The following BCAP29 variants were observed in gnomAD, a reference collection of about 807,000 sequenced individuals.
The protein encoded by BCAP29 is B cell receptor associated protein 29.
In BCAP29, 34 loss-of-function variants were observed where a neutral mutation model predicts 31.8. The ratio of observed to expected loss-of-function variants is 1.07; its 90% confidence interval spans 0.81 to 1.42. BCAP29 has a LOEUF of 1.42. Ranked by LOEUF, BCAP29 falls within the 40% of genes most tolerant of loss-of-function variation. The pLI is 0.00. For missense variants in BCAP29, 314 were observed against 269.2 expected, an observed-to-expected ratio of 1.17 and a Z score of -1.16; for synonymous variants, 104 against 91.3, an observed-to-expected ratio of 1.14 and a Z score of -0.79.
intron 5 of BCAP29, among the ~76,000 whole-genome samples, chr7:107,598,745 T>G (rs1449408131): frequency 6.6e-6 from 1 of 151,754 alleles, no homozygotes; most frequent in Non-Finnish European, 1.5e-5. Context: ...CTGTGTTCCT[T>G]TTTTACCTGA....
chr7:107,622,428 T>C (rs1480699098), downstream of BCAP29: 1 of 154,026 alleles, frequency 6.5e-6, no homozygotes, highest in Non-Finnish European at 1.4e-5. Flanking sequence ...GTTCTTTCCC[T>C]AGGATATAGA....
chr7:107,603,410 A>G (rs1811521985), intron 6 of BCAP29: 1 of 150,908 alleles, frequency 6.6e-6, no homozygotes, highest in Admixed American at 6.6e-5. Flanking sequence ...GCAGGAATAC[A>G]TATAGATATA....
rs929240943 is a variant in BCAP29 at position 107,619,198 on chromosome 7, G to T, written c.*835G>T. On this transcript the variant is annotated 3_prime_UTR_variant, in exon 8 of 8. Transcript: ENST00000005259. ...AAAGCAGTATTTCTTTCCCTTGGTT[G>T]TGAGAGTAACTAATTATATAAATAT... 2.0e-5 allele frequency: 3 copies of T among 152,512 alleles called. No individual in the cohort carries two copies. Among genetic ancestry groups the T allele is most frequent in the Admixed American group, 2.0e-4 (3 of 15,284 alleles). 9.4% of individuals were successfully genotyped at this position (152,512 alleles called of 1,614,324 possible).
At chr7:107,580,127 A>C (rs1806293482), upstream of BCAP29, 1 of 152,294 alleles carries the variant, frequency 6.6e-6, no homozygotes, top group East Asian at 1.9e-4. Flanking sequence ...ACTGTTGCCA[A>C]TAAACGTGGT....
chr7:107,584,435 G>A (rs1011608010), intron 3 of BCAP29, among the ~76,000 whole-genome samples: 28 of 152,236 alleles, frequency 1.8e-4, no homozygotes, highest in Non-Finnish European at 3.5e-4. Flanking sequence ...ATGGCCGGGC[G>A]AGGTGGCTCA....
At chr7:107,609,309 G>A (rs549922622) in intron 6 of BCAP29, among the ~76,000 whole-genome samples, 1 of 152,304 alleles carries the variant, frequency 6.6e-6, no homozygotes, top group African/African-American at 2.4e-5. Flanking sequence ...TGCCCTGTTT[G>A]TACGTTAACA....
At chr7:107,597,603 G>GT (rs1408536630) in intron 5 of BCAP29, among the ~76,000 whole-genome samples, 2 of 152,162 alleles carry the variant, frequency 1.3e-5, no homozygotes, top group Non-Finnish European at 2.9e-5. Context: ...AGTCCCTTGA[G>GT]TTTGGTATTG....
chr7:107,599,624 C>T (rs1213922991), intron 5 of BCAP29, among the ~76,000 whole-genome samples: 1 of 150,940 alleles, frequency 6.6e-6, no homozygotes, highest in Non-Finnish European at 1.5e-5. Flanking sequence ...CTTTGTCTTT[C>T]TAGGTAATTT....
chr7:107,614,818 C>T (rs1211636434), intron 7 of BCAP29, among the ~76,000 whole-genome samples: 2 of 152,188 alleles, frequency 1.3e-5, no homozygotes, highest in African/African-American at 2.4e-5. Flanking sequence ...GGTAGATTGT[C>T]AGCAAGACCA....
At chr7:107,611,994 A>T (rs1478218602) in intron 6 of BCAP29, among the ~76,000 whole-genome samples, 1 of 152,198 alleles carries the variant, frequency 6.6e-6, no homozygotes, top group Non-Finnish European at 1.5e-5. Context: ...AACATTTGAC[A>T]ATACTGTCTA....
downstream of BCAP29, chr7:107,622,562 T>G (rs529745378): frequency 3.3e-5 from 5 of 152,570 alleles, no homozygotes; most frequent in East Asian, 9.6e-4. Context: ...TATTTTATTT[T>G]CATCATAGCA....
chr7:107,615,147 ATTGTTGAATGT>A (rs1813885159), intron 7 of BCAP29: 12 of 452,490 alleles, frequency 2.7e-5, no homozygotes, highest in African/African-American at 2.4e-4. Flanking sequence ...GAATGTCTCC[ATTGTTGAATGT>A]CTCCATTGTG....
intron 7 of BCAP29, chr7:107,613,792 A>T: frequency 7.8e-7 from 1 of 1,287,550 alleles, no homozygotes; most frequent in South Asian, 1.2e-5. Context: ...CAAAATTTCA[A>T]GTTCCACATC....
intron 6 of BCAP29, among the ~76,000 whole-genome samples, chr7:107,606,757 A>G (rs1326531270): frequency 1.3e-5 from 2 of 152,234 alleles, no homozygotes; most frequent in Non-Finnish European, 1.5e-5. Context: ...AGAAGAAATG[A>G]TTTAAGAAAT....
intron 3 of BCAP29, among the ~76,000 whole-genome samples, chr7:107,586,422 A>G (rs999295211): frequency 6.6e-6 from 1 of 152,220 alleles, no homozygotes; most frequent in Non-Finnish European, 1.5e-5. Flanking sequence ...TTGGGTAAAC[A>G]GGGCAATTAA....
chr7:107,595,227 A>G lies in BCAP29; in HGVS notation c.345-640A>G, dbSNP rs115767966. 4.6e-3 allele frequency among the ~76,000 whole-genome samples: 694 copies of G among 152,264 alleles called. 5 individuals are homozygous for G. Among genetic ancestry groups the G allele is most frequent in the African/African-American group, 0.016 (659 of 41,546 alleles). On this transcript the variant is annotated intron_variant, in intron 4 of 7. Transcript: ENST00000005259. ...TCTTACAGGTGCTCAAAGAATGTAT[A>G]TATACTTCATTTTCTAGTGTCATTC...
intron 6 of BCAP29, among the ~76,000 whole-genome samples, chr7:107,612,290 A>G (rs1437616754): frequency 6.6e-6 from 1 of 150,948 alleles, no homozygotes; most frequent in Non-Finnish European, 1.5e-5. Flanking sequence ...GCACTATATG[A>G]GATAAAAGTT....
intron 5 of BCAP29, among the ~76,000 whole-genome samples, chr7:107,599,591 A>G (rs909420094): frequency 1.3e-5 from 2 of 150,636 alleles, no homozygotes; most frequent in Non-Finnish European, 3.0e-5. Flanking sequence ...AACAGTATAC[A>G]TATTATGTTT....
chr7:107,588,516 A>T (rs771568920), intron 3 of BCAP29, among the ~76,000 whole-genome samples: 2 of 152,226 alleles, frequency 1.3e-5, no homozygotes, highest in Non-Finnish European at 2.9e-5. Context: ...AAAATTATGA[A>T]CCCTCGATAA....
Sources: gnomAD v4.1 joint callset for allele counts (sites outside exome capture counted in the v4.1 genomes callset) on GRCh38, gnomAD v4.1.1 for gene constraint, MANE v1.5 for transcripts, NCBI Gene and HGNC (gene_info 2026-07-23, HGNC 2026-07-21) for gene names.